The following SGCZ variants were observed in gnomAD, a reference collection of about 807,000 sequenced individuals.
The protein encoded by SGCZ is sarcoglycan zeta, also known as zeta-sarcoglycan.
A neutral mutation model predicts 41.3 loss-of-function variants in SGCZ; 40 were observed. The ratio of observed to expected loss-of-function variants is 0.97; its 90% CI spans 0.75 to 1.26. The LOEUF is 1.26. Among genes scored for constraint, SGCZ ranks in the 50% most tolerant of loss-of-function variants. SGCZ has a pLI of 0.00. For synonymous variants in SGCZ, 206 were observed against 137.5 expected, an observed-to-expected ratio of 1.50 and a Z score of -3.49; for missense variants, 552 against 369.8, an observed-to-expected ratio of 1.49 and a Z score of -4.04.
At chr8:15,117,269 G>C (rs571005059) in intron 1 of SGCZ, among the ~76,000 whole-genome samples, 78 of 152,088 alleles carry the variant, frequency 5.1e-4, no homozygotes, top group Middle Eastern at 6.8e-3. Flanking sequence ...TGAGGCAGGA[G>C]AATGGCGTGA....
At chr8:14,163,878 A>T (rs955504769) in intron 5 of SGCZ, among the ~76,000 whole-genome samples, 1 of 152,152 alleles carries the variant, frequency 6.6e-6, no homozygotes, top group African/African-American at 2.4e-5. Context: ...GTTTTTTAAA[A>T]TGTAGACCTC....
At chr8:14,523,949 C>T (rs1195168427) in intron 2 of SGCZ, among the ~76,000 whole-genome samples, 3 of 151,918 alleles carry the variant, frequency 2.0e-5, no homozygotes, top group Admixed American at 6.6e-5. Flanking sequence ...TTCTAATTTC[C>T]CTTTCATTCT....
intron 4 of SGCZ, among the ~76,000 whole-genome samples, chr8:14,209,577 T>C (rs925493647): frequency 6.6e-6 from 1 of 152,204 alleles, no homozygotes; most frequent in Admixed American, 6.5e-5. Flanking sequence ...ATATTTAAAT[T>C]ATGTTTTCGA....
chr8:14,627,761 G>A (rs145773888), intron 1 of SGCZ, among the ~76,000 whole-genome samples: 2 of 143,054 alleles, frequency 1.4e-5, no homozygotes, highest in African/African-American at 5.1e-5. Context: ...ATTTTTTTTT[G>A]ACTGCAATCA....
intron 2 of SGCZ, among the ~76,000 whole-genome samples, chr8:14,475,402 A>T (rs1801329321): frequency 6.6e-6 from 1 of 152,180 alleles, no homozygotes. Context: ...AAACATTATT[A>T]ACTATAAAAA....
chr8:15,229,931 A>G (rs1801890607), intron 1 of SGCZ, among the ~76,000 whole-genome samples: 2 of 152,236 alleles, frequency 1.3e-5, no homozygotes. Context: ...GAAATAAGTT[A>G]GATAATGATA....
chr8:14,679,088 A>G (rs960639073), intron 1 of SGCZ, among the ~76,000 whole-genome samples: 2 of 152,176 alleles, frequency 1.3e-5, no homozygotes, highest in African/African-American at 2.4e-5. Context: ...CTCATAGTGC[A>G]TGGCACATGT....
At chr8:14,911,176 G>T (rs1488378074) in intron 1 of SGCZ, among the ~76,000 whole-genome samples, 1 of 151,992 alleles carries the variant, frequency 6.6e-6, no homozygotes, top group Non-Finnish European at 1.5e-5. Context: ...GCAGATAATG[G>T]CTGTGGCAGG....
intron 1 of SGCZ, among the ~76,000 whole-genome samples, chr8:14,579,978 T>C (rs1292664704): frequency 6.6e-6 from 1 of 152,184 alleles, no homozygotes; most frequent in Non-Finnish European, 1.5e-5. Flanking sequence ...TCTGCTGAAA[T>C]GATTTAAGGA....
intron 2 of SGCZ, among the ~76,000 whole-genome samples, chr8:14,447,952 C>A (rs990458496): frequency 1.3e-5 from 2 of 152,164 alleles, no homozygotes; most frequent in Non-Finnish European, 2.9e-5. Flanking sequence ...TGTACCATCT[C>A]AAGCTCTAAG....
intron 2 of SGCZ, among the ~76,000 whole-genome samples, chr8:14,478,987 T>TA (rs1801443632): frequency 6.6e-6 from 1 of 152,194 alleles, no homozygotes. Context: ...CCCACCCCTC[T>TA]AACTGTGACT....
chr8:14,767,686 G>C (rs527849512), intron 1 of SGCZ, among the ~76,000 whole-genome samples: 2 of 152,222 alleles, frequency 1.3e-5, no homozygotes, highest in Non-Finnish European at 2.9e-5. Flanking sequence ...GGAAATTCTA[G>C]AGTCACAAGA....
intron 2 of SGCZ, among the ~76,000 whole-genome samples, chr8:14,427,616 CTTG>C (rs1187298848): frequency 4.6e-4 from 70 of 152,228 alleles, no homozygotes; most frequent in Non-Finnish European, 7.2e-4. Context: ...CTCATCTTTC[CTTG>C]TCATTACCAA....
At chr8:15,074,958 C>T (rs1164204164) in intron 1 of SGCZ, among the ~76,000 whole-genome samples, 1 of 152,102 alleles carries the variant, frequency 6.6e-6, no homozygotes, top group East Asian at 1.9e-4. Flanking sequence ...CTCAGCTAGA[C>T]GGTGAATATT....
chr8:15,061,543 C>T (rs1284975094), intron 1 of SGCZ, among the ~76,000 whole-genome samples: 1 of 136,468 alleles, frequency 7.3e-6, no homozygotes, highest in African/African-American at 3.0e-5. Context: ...AAAAAAAAAA[C>T]AGGAAAAAAT....
At chr8:14,325,649 A>G (rs187359738) in intron 2 of SGCZ, among the ~76,000 whole-genome samples, 2 of 143,168 alleles carry the variant, frequency 1.4e-5, no homozygotes, top group Non-Finnish European at 3.1e-5. Flanking sequence ...ACATATAATC[A>G]ATGATATATA....
intron 1 of SGCZ, among the ~76,000 whole-genome samples, chr8:15,169,001 AC>A (rs1799749444): frequency 6.6e-6 from 1 of 152,074 alleles, no homozygotes; most frequent in Admixed American, 6.6e-5. Context: ...AGCTGTCTTT[AC>A]CCCTTGCCTT....
intron 1 of SGCZ, among the ~76,000 whole-genome samples, chr8:14,736,743 T>C (rs1204543410): frequency 1.3e-5 from 2 of 152,156 alleles, no homozygotes; most frequent in East Asian, 3.9e-4. Context: ...TTTCCATTCC[T>C]GAGTTACTTC....
intron 5 of SGCZ, among the ~76,000 whole-genome samples, chr8:14,112,596 A>G (rs1802409001): frequency 6.6e-6 from 1 of 152,088 alleles, no homozygotes; most frequent in South Asian, 2.1e-4. Flanking sequence ...TGTTTCCCCC[A>G]AATCTAAATT....
Sources: gnomAD v4.1 joint callset for allele counts (sites outside exome capture counted in the v4.1 genomes callset) on GRCh38, gnomAD v4.1.1 for gene constraint, MANE v1.5 for transcripts, NCBI Gene and HGNC (gene_info 2026-07-23, HGNC 2026-07-21) for gene names.